Variants in VEZF1 observed in about 807,000 individuals in gnomAD.
The protein encoded by VEZF1 is vascular endothelial zinc finger 1, also known as putative transcription factor DB1.
A neutral mutation model predicts 44.1 loss-of-function variants in VEZF1; 5 were observed. The observed-to-expected ratio is 0.11, with a 90% CI of 0.06 to 0.24. The LOEUF (loss-of-function observed/expected upper bound fraction) is 0.24, where lower values mean the gene tolerates loss of function less well. Ranked by LOEUF, VEZF1 falls within the 10% of genes least tolerant of loss-of-function variation. VEZF1 has a pLI of 1.00. For missense variants in VEZF1, 358 were observed against 641.8 expected, an observed-to-expected ratio of 0.56 and a Z score of 4.78; for synonymous variants, 236 against 233.1, an observed-to-expected ratio of 1.01 and a Z score of -0.11.
chr17:57,974,846 G>C lies in VEZF1; in HGVS notation c.1193C>G (p.Thr398Ser). 2.5e-6 allele frequency: 4 copies of C among 1,614,226 alleles called. No individual in the cohort carries two copies. Among genetic ancestry groups the C allele is most frequent in the Non-Finnish European group, 3.4e-6 (4 of 1,180,026 alleles). The change falls in exon 6 of 6, where the codon ACT becomes AGT. Residue 398 changes from threonine (T) to serine (S), a missense_variant. This residue lies in a region of VEZF1 where 171 missense variants were observed against 272.4 expected (regional missense o/e 0.63). Transcript: ENST00000581208. ...STAATTPVTLTTPFSITSSVS... is the reference protein window; with the variant it reads ...STAATTPVTLSTPFSITSSVS... ...AGAGGATGTTATACTGAATGGAGTA[G>C]TGAGAGTCACAGGTGTCGTAGCAGC... is the stretch of plus-strand genomic sequence containing the variant.
chr17:57,979,216 G>C lies in VEZF1; in HGVS notation c.1074C>G (p.Ser358Arg). 6.2e-7 allele frequency: 1 copy of C among 1,613,650 alleles called. No homozygotes were observed. The highest frequency in any genetic ancestry group is 8.5e-7 in the Non-Finnish European group (1 of 1,179,964). ...QQQQQQQHVT[S>R]WPGKQVETLR... ...GTGTTTCTACTTGCTTCCCTGGCCA[G>C]CTTGTCACATGTTGTTGTTGTTGTT... Residue 358 changes from serine (S) to arginine (R), a missense_variant, in exon 5 of 6, where the codon AGC (serine) becomes AGG (arginine). Physicochemically the swap from Ser to Arg is moderately radical, Grantham distance 110 (BLOSUM62 -1). Coordinates refer to ENST00000581208, the MANE Select transcript of VEZF1 (RefSeq NM_007146.3).
chr17:57,976,144 C>A (rs1317394943), intron 5 of VEZF1, among the ~76,000 whole-genome samples: 1 of 152,098 alleles, frequency 6.6e-6, no homozygotes, highest in Non-Finnish European at 1.5e-5. Context: ...CACCCCTCAA[C>A]AAAATTCAGC....
intron 4 of VEZF1, 22 bp downstream of exon 4, chr17:57,980,567 AAATATAAAAGAAAG>A: frequency 6.3e-7 from 1 of 1,586,518 alleles, no homozygotes; most frequent in Non-Finnish European, 8.6e-7. Flanking sequence ...CACCCATCTG[AAATATAAAAGAAAG>A]AAAATCTGAA....
intron 5 of VEZF1, among the ~76,000 whole-genome samples, chr17:57,976,419 C>A (rs72839919): frequency 0.098 from 14,648 of 149,646 alleles, 841 homozygotes; most frequent in African/African-American, 0.15. Context: ...AACAAACAAA[C>A]AAAAAAAACC....
chr17:57,973,417 G>C lies in VEZF1; in HGVS notation c.*1056C>G, dbSNP rs1250001393. On this transcript the variant is annotated 3_prime_UTR_variant, in exon 6 of 6. Transcript: ENST00000581208. ...AGATACACTCTGCATGTTCTGAAGG[G>C]GCATACACTACCTAGTTAGTGGTTA... 1 of 152,484 alleles carries C rather than the reference G, an allele frequency of 6.6e-6. No individual in the cohort carries two copies. The highest frequency in any genetic ancestry group is 2.4e-5 in the African/African-American group (1 of 41,382). The allele number at this position is 152,484 out of a possible 1,614,324, so 9.4% of individuals were successfully genotyped here. A position where few individuals can be genotyped will look rare whatever the true frequency, so the allele number is the denominator to read the frequency against.
At chr17:57,985,913 A>G (rs977249726) in intron 1 of VEZF1, 2 of 152,264 alleles carry the variant, frequency 1.3e-5, no homozygotes, top group African/African-American at 4.8e-5. Context: ...TCCAGGAAAC[A>G]AACAAGATAA....
chr17:57,981,839 T>C, intron 3 of VEZF1, 34 bp downstream of exon 3: 3 of 1,593,662 alleles, frequency 1.9e-6, no homozygotes, highest in Non-Finnish European at 2.6e-6. Flanking sequence ...GTGCATTAAG[T>C]GCTACACTAA....
rs2075266831 is a variant in VEZF1 at position 57,983,208 on chromosome 17, T to C, written c.219A>G (p.Ser73=). The C allele has an allele frequency of 2.5e-6, 4 of 1,613,868 alleles. No individual in the cohort carries two copies. Among genetic ancestry groups the C allele is most frequent in the Non-Finnish European group, 3.4e-6 (4 of 1,179,980 alleles). Residue 73 remains serine, a synonymous_variant, in exon 2 of 6, where the codon TCA becomes TCG. Coordinates refer to ENST00000581208, the MANE Select transcript of VEZF1 (RefSeq NM_007146.3). ...CTTTACTGCAGTAAGTGCACACAAA[T>C]GAAGTTTTGGGTTTTTCTTTTTTAA... ...IGIKKEKPKT[S]FVCTYCSKAF...
chr17:57,978,788 T>C (rs1442909329), intron 5 of VEZF1, among the ~76,000 whole-genome samples: 1 of 151,536 alleles, frequency 6.6e-6, no homozygotes, highest in Non-Finnish European at 1.5e-5. Context: ...CCTCTAAAAG[T>C]GGGAATATTT....
At chr17:57,976,181 G>A (rs137943915) in intron 5 of VEZF1, among the ~76,000 whole-genome samples, 1 of 152,234 alleles carries the variant, frequency 6.6e-6, no homozygotes, top group East Asian at 1.9e-4. Flanking sequence ...AAAATGATGG[G>A]TAGGCTAGCT....
At chr17:57,975,732 G>T (rs2075184031) in intron 5 of VEZF1, among the ~76,000 whole-genome samples, 1 of 152,152 alleles carries the variant, frequency 6.6e-6, no homozygotes, top group African/African-American at 2.4e-5. Flanking sequence ...ATACCAAAGA[G>T]AACTAGCTAG....
intron 1 of VEZF1, among the ~76,000 whole-genome samples, chr17:57,983,651 T>C (rs1298745591): frequency 6.6e-6 from 1 of 152,218 alleles, no homozygotes; most frequent in Non-Finnish European, 1.5e-5. Context: ...AACTACACAC[T>C]ATCCTGGTTC....
At chr17:57,981,747 A>G in intron 3 of VEZF1, 126 bp downstream of exon 3, 1 of 695,836 alleles carries the variant, frequency 1.4e-6, no homozygotes, top group Non-Finnish European at 2.3e-6. Flanking sequence ...TAGAAGTCAA[A>G]TGGGCCACAT....
At chr17:57,979,837 G>A (rs373316256) in intron 4 of VEZF1, among the ~76,000 whole-genome samples, 2 of 151,948 alleles carry the variant, frequency 1.3e-5, no homozygotes, top group Non-Finnish European at 2.9e-5. Context: ...GGGCATGGCA[G>A]TGTGCACCTG....
At chr17:57,980,846 G>A (rs777999877) in intron 3 of VEZF1, 60 bp from the exon 4 acceptor site, 6 of 1,559,122 alleles carry the variant, frequency 3.8e-6, no homozygotes, top group Non-Finnish European at 5.3e-6. Flanking sequence ...TCATTTTGAA[G>A]TACGTTATAT....
chr17:57,976,943 G>A (rs568782098), intron 5 of VEZF1, among the ~76,000 whole-genome samples: 9 of 152,106 alleles, frequency 5.9e-5, no homozygotes, highest in East Asian at 1.9e-4. Flanking sequence ...CTCCTCCTCC[G>A]TGTTTTCTTT....
At chr17:57,984,035 C>A (rs547006118) in intron 1 of VEZF1, among the ~76,000 whole-genome samples, 1 of 152,336 alleles carries the variant, frequency 6.6e-6, no homozygotes, top group East Asian at 1.9e-4. Context: ...TCTGTGAAGG[C>A]AGCCCATAGC....
intron 1 of VEZF1, among the ~76,000 whole-genome samples, chr17:57,987,631 G>A (rs148800175): frequency 1.1e-4 from 16 of 152,150 alleles, no homozygotes; most frequent in African/African-American, 3.6e-4. Context: ...GAAGTGGCGG[G>A]GAGGAGACTC....
At chr17:57,979,120 C>T in intron 5 of VEZF1, 32 bp downstream of exon 5, 1 of 1,604,888 alleles carries the variant, frequency 6.2e-7, no homozygotes, top group Non-Finnish European at 8.5e-7. Flanking sequence ...ACTTCTCTAG[C>T]CATATTTTCA....
Sources: gnomAD v4.1 joint callset for allele counts (sites outside exome capture counted in the v4.1 genomes callset) on GRCh38, gnomAD v4.1.1 for gene constraint, gnomAD v4.1.1 regional missense constraint, MANE v1.5 for transcripts, NCBI Gene and HGNC (gene_info 2026-07-23, HGNC 2026-07-21) for gene names.